The following PRPSAP1 variants were observed in gnomAD, a reference collection of about 807,000 sequenced individuals.
The protein encoded by PRPSAP1 is phosphoribosyl pyrophosphate synthetase associated protein 1.
Under a neutral mutation model 39.4 loss-of-function variants are expected in PRPSAP1, and 31 were observed. The ratio of observed to expected loss-of-function variants is 0.79; its 90% CI spans 0.59 to 1.06. The LOEUF is 1.06. PRPSAP1 is among the 50% of genes least tolerant of loss of function. The pLI, the probability that PRPSAP1 is intolerant of heterozygous loss-of-function variation, is 0.00. For missense variants in PRPSAP1, 430 were observed against 511.6 expected, an observed-to-expected ratio of 0.84 and a Z score of 1.54; for synonymous variants, 212 against 192.6, an observed-to-expected ratio of 1.10 and a Z score of -0.83.
At chr17:76,319,944 T>C (rs1056713556) in intron 7 of PRPSAP1, among the ~76,000 whole-genome samples, 3 of 151,976 alleles carry the variant, frequency 2.0e-5, no homozygotes, top group African/African-American at 7.2e-5. Flanking sequence ...CAAGGAGCTC[T>C]CTCTGGCCAA....
chr17:76,331,719 T>C (rs2143502897), intron 4 of PRPSAP1, among the ~76,000 whole-genome samples: 3 of 152,188 alleles, frequency 2.0e-5, no homozygotes, highest in African/African-American at 2.4e-5. Context: ...GACCCAAATA[T>C]ACGTTAAAGT....
At position 76,338,035 on chromosome 17, in the gene PRPSAP1, C is replaced by T. The variant is rs79441420; in HGVS notation, c.291-5600G>A. Reference sequence around the variant, plus strand: ...TACTTAGTTCCATTGCTTGGTATATCTGGAAAATCTCTGAGTATCGCACAG... The same window carrying T: ...TACTTAGTTCCATTGCTTGGTATATTTGGAAAATCTCTGAGTATCGCACAG... On this transcript the variant is annotated intron_variant, in intron 3 of 9. Transcript: ENST00000446526. Among the ~76,000 whole-genome samples, 926 of 152,226 alleles carry T rather than the reference C, an allele frequency of 6.1e-3. 13 individuals carry two copies. Among genetic ancestry groups the T allele is most frequent in the African/African-American group, 0.021 (876 of 41,520 alleles).
intron 2 of PRPSAP1, among the ~76,000 whole-genome samples, chr17:76,347,607 T>C (rs1239527048): frequency 6.6e-6 from 1 of 151,558 alleles, no homozygotes; most frequent in Non-Finnish European, 1.5e-5. Flanking sequence ...TCTTACTCGC[T>C]GAAGAGTCTG....
At chr17:76,313,167 C>A (rs916670723) in intron 8 of PRPSAP1, 151 bp from the exon 9 acceptor site, 4 of 1,012,236 alleles carry the variant, frequency 4.0e-6, no homozygotes, top group Admixed American at 3.0e-5. Context: ...GAACGAGCAT[C>A]CAGAAATGGC....
In PRPSAP1 at chr17:76,312,737, C is replaced by G. The variant is rs2071081621; in HGVS notation, c.999+133G>C. On this transcript the variant is annotated intron_variant, in intron 9 of 9. Transcript: ENST00000446526. Reference sequence around the variant, plus strand: ...CTGTATTCCTAAACATGTATCTGTCCCAACGAACTGCTAGCCAGCAAAAGC... The same window carrying G: ...CTGTATTCCTAAACATGTATCTGTCGCAACGAACTGCTAGCCAGCAAAAGC... The G allele has an allele frequency of 3.4e-6, 4 of 1,190,426 alleles. No homozygotes were observed. The East Asian group carries it at 9.6e-5, about 29-fold the overall frequency. 73.7% of individuals were successfully genotyped at this position (1,190,426 alleles called of 1,614,324 possible).
chr17:76,316,192 G>GAAAAAAAAAAAAAAAAAAAAAAAAA (rs531349364), intron 7 of PRPSAP1, among the ~76,000 whole-genome samples: 1 of 124,566 alleles, frequency 8.0e-6, no homozygotes. Flanking sequence ...AAAAAAAAAA[G>GAAAAAAAAAAAAAAAAAAAAAAAAA]AAAAAAAAAA....
intron 4 of PRPSAP1, 101 bp downstream of exon 4, chr17:76,332,162 A>G (rs775366729): frequency 3.5e-5 from 49 of 1,388,956 alleles, no homozygotes; most frequent in Non-Finnish European, 4.6e-5. Context: ...GGAAACAAAC[A>G]CTCAGATCCC....
In PRPSAP1 at chr17:76,312,748, C is replaced by T. The variant is rs542868726; in HGVS notation, c.999+122G>A. 3 of 1,315,296 alleles carry T rather than the reference C, an allele frequency of 2.3e-6. No homozygotes were observed. In the South Asian group the frequency reaches 4.6e-5, roughly 20 times the overall value. The allele number at this position is 1,315,296 out of a possible 1,614,324, so 81.5% of individuals were successfully genotyped here. ...AACATGTATCTGTCCCAACGAACTGCTAGCCAGCAAAAGCTAGAAAAGCTA... is the reference window on the plus strand; with the variant it reads ...AACATGTATCTGTCCCAACGAACTGTTAGCCAGCAAAAGCTAGAAAAGCTA... On this transcript the variant is annotated intron_variant, in intron 9 of 9. Coordinates refer to ENST00000446526, the MANE Select transcript of PRPSAP1 (RefSeq NM_002766.3).
upstream of PRPSAP1, chr17:76,353,997 C>T (rs909479321): frequency 4.0e-6 from 5 of 1,240,672 alleles, no homozygotes; most frequent in Middle Eastern, 3.2e-4. Context: ...GGGCAGGGAG[C>T]CTGGCGACTC....
At chr17:76,316,006 T>C (rs528843067) in intron 7 of PRPSAP1, among the ~76,000 whole-genome samples, 4 of 151,342 alleles carry the variant, frequency 2.6e-5, no homozygotes, top group South Asian at 4.2e-4. Flanking sequence ...GGTGAAACTC[T>C]GTCTCTACTA....
At chr17:76,352,624 GAC>G (rs1342787909) in intron 1 of PRPSAP1, among the ~76,000 whole-genome samples, 1 of 118,226 alleles carries the variant, frequency 8.5e-6, no homozygotes, top group Non-Finnish European at 1.6e-5. Flanking sequence ...CAGCCTGGGT[GAC>G]AGAGCGAGAC....
intron 7 of PRPSAP1, among the ~76,000 whole-genome samples, chr17:76,327,130 C>T (rs2071263547): frequency 7.0e-6 from 1 of 143,530 alleles, no homozygotes; most frequent in African/African-American, 2.6e-5. Flanking sequence ...GGCGGATGAC[C>T]TAAGGTTAGC....
chr17:76,344,654 G>A lies in PRPSAP1; in HGVS notation c.290+17C>T, dbSNP rs760052201. On this transcript the variant is annotated intron_variant, in intron 3 of 9. Coordinates refer to ENST00000446526, the MANE Select transcript of PRPSAP1 (RefSeq NM_002766.3). Reference sequence around the variant, plus strand: ...AAGGTTTTTACAGAAAAGAGATAAAGTAGTCAGTCCTCTTACCTGGGTATT... The same window carrying A: ...AAGGTTTTTACAGAAAAGAGATAAAATAGTCAGTCCTCTTACCTGGGTATT... The A allele has an allele frequency of 6.7e-7, 1 of 1,498,590 alleles. No homozygotes were observed. The highest frequency in any genetic ancestry group is 9.1e-7 in the Non-Finnish European group (1 of 1,102,730). 92.8% of individuals were successfully genotyped at this position (1,498,590 alleles called of 1,614,324 possible).
chr17:76,319,490 A>G (rs1418144955), intron 7 of PRPSAP1: 1 of 151,812 alleles, frequency 6.6e-6, no homozygotes, highest in Non-Finnish European at 1.5e-5. Context: ...TTTTTTCTAG[A>G]CGGAGTCTTG....
chr17:76,348,637 T>G (rs1598544281), intron 1 of PRPSAP1, 56 bp from the exon 2 acceptor site: 1 of 1,373,514 alleles, frequency 7.3e-7, no homozygotes, highest in Admixed American at 2.8e-5. Flanking sequence ...TTAAAAAAAT[T>G]CCAGTTCATA....
intron 1 of PRPSAP1, among the ~76,000 whole-genome samples, chr17:76,349,736 C>G (rs925876026): frequency 2.0e-5 from 3 of 151,608 alleles, no homozygotes; most frequent in Non-Finnish European, 4.4e-5. Context: ...ACTCCAGCCT[C>G]GGCAACAGGA....
At chr17:76,313,050 A>T (rs1257845638) in intron 8 of PRPSAP1, 34 bp from the exon 9 acceptor site, 1 of 1,607,944 alleles carries the variant, frequency 6.2e-7, no homozygotes. Flanking sequence ...GGTAGGAAAG[A>T]AACACCCTCT....
intron 7 of PRPSAP1, among the ~76,000 whole-genome samples, chr17:76,325,173 G>A (rs1418226322): frequency 6.6e-6 from 1 of 151,192 alleles, no homozygotes; most frequent in East Asian, 2.0e-4. Context: ...ACTTTGGGAA[G>A]CCGAGGCGGG....
upstream of PRPSAP1, chr17:76,354,197 C>T (rs372919422): frequency 1.0e-6 from 1 of 986,590 alleles, no homozygotes. Flanking sequence ...CGATCTAGCT[C>T]TGCATGTCTA....
Sources: allele counts gnomAD v4.1 joint callset (sites outside exome capture counted in the v4.1 genomes callset), GRCh38; gene constraint gnomAD v4.1.1; transcripts MANE v1.5; gene names NCBI Gene and HGNC (gene_info 2026-07-23, HGNC 2026-07-21).